The following IVD variants were observed in gnomAD, a reference collection of about 807,000 sequenced individuals.
IVD encodes the protein isovaleryl-CoA dehydrogenase, also known as isovaleryl-CoA dehydrogenase, mitochondrial.
IVD carries 31 observed loss-of-function variants against 51.3 expected under a neutral mutation model. The ratio of observed to expected loss-of-function variants is 0.60; its 90% CI spans 0.45 to 0.81. IVD has a LOEUF of 0.81. Ranked by LOEUF, IVD falls within the 40% of genes least tolerant of loss-of-function variation. IVD has a pLI of 0.00. For missense variants in IVD, 475 were observed against 552.0 expected (o/e 0.86, Z 1.40); for synonymous variants, 205 against 219.4 (o/e 0.93, Z 0.58).
Position 40,420,217 on chromosome 15 carries a change from C to T in IVD, c.*1954C>T. 1 of 986,540 alleles carries T rather than the reference C, an allele frequency of 1.0e-6. No individual in the cohort carries two copies. Among genetic ancestry groups the T allele is most frequent in the Non-Finnish European group, 1.2e-6 (1 of 830,190 alleles). 61.1% of individuals were successfully genotyped at this position (986,540 alleles called of 1,614,324 possible). On this transcript the variant is annotated 3_prime_UTR_variant, in exon 12 of 12. Transcript: ENST00000487418. Reference sequence around the variant, plus strand: ...GAAGACTGGCTCCTCCTGTACAGCACCTCTGAGCCCTTGTGCACCGCCCTG... The same window carrying T: ...GAAGACTGGCTCCTCCTGTACAGCATCTCTGAGCCCTTGTGCACCGCCCTG...
intron 4 of IVD, among the ~76,000 whole-genome samples, chr15:40,411,044 T>C (rs73383142): frequency 6.6e-6 from 1 of 151,928 alleles, no homozygotes; most frequent in Non-Finnish European, 1.5e-5. Flanking sequence ...AATGGAAGAG[T>C]AGGACTAGCT....
chr15:40,415,848 C>T (rs191632500), intron 9 of IVD, among the ~76,000 whole-genome samples: 1 of 152,218 alleles, frequency 6.6e-6, no homozygotes, highest in Non-Finnish European at 1.5e-5. Flanking sequence ...GGAGCCATGC[C>T]TTTCGGAGGC....
At chr15:40,426,591 A>T (rs940058556), downstream of IVD, among the ~76,000 whole-genome samples, 1 of 152,154 alleles carries the variant, frequency 6.6e-6, no homozygotes, top group Non-Finnish European at 1.5e-5. Flanking sequence ...TCTGATACAG[A>T]TGTGCAAGTG....
downstream of IVD, among the ~76,000 whole-genome samples, chr15:40,425,964 C>CTT (rs200928278): frequency 1.0e-3 from 120 of 117,506 alleles, 2 homozygotes; most frequent in African/African-American, 2.4e-3. Flanking sequence ...CCCAGTCCGG[C>CTT]TATTTTTTTT....
chr15:40,424,834 C>T (rs991384852), downstream of IVD, among the ~76,000 whole-genome samples: 2 of 152,242 alleles, frequency 1.3e-5, no homozygotes, highest in African/African-American at 4.8e-5. Context: ...CTCCCAATAG[C>T]ACCCGGGGCT....
At chr15:40,424,753 C>G (rs1386720484), downstream of IVD, among the ~76,000 whole-genome samples, 1 of 152,248 alleles carries the variant, frequency 6.6e-6, no homozygotes, top group Non-Finnish European at 1.5e-5. Context: ...TGCTGGTATA[C>G]TGTTATTTGT....
chr15:40,429,756 T>C (rs555793055), intron 7 of IVD, among the ~76,000 whole-genome samples: 1 of 152,318 alleles, frequency 6.6e-6, no homozygotes, highest in South Asian at 2.1e-4. Flanking sequence ...AGGCTTCGCC[T>C]TGAACTAAAT....
At chr15:40,418,022 T>G in intron 11 of IVD, 108 bp from the exon 12 acceptor site, 1 of 1,503,638 alleles carries the variant, frequency 6.7e-7, no homozygotes. Flanking sequence ...CTGCTTTTCT[T>G]TAATCACCCT....
At chr15:40,423,892 T>C (rs1223616019), downstream of IVD, among the ~76,000 whole-genome samples, 4 of 152,178 alleles carry the variant, frequency 2.6e-5, no homozygotes, top group Non-Finnish European at 5.9e-5. Context: ...CAGAGCCCCA[T>C]TCACATTCCT....
At chr15:40,414,792 C>A (rs891984917) in intron 7 of IVD, 97 bp from the exon 8 acceptor site, 78 of 1,554,840 alleles carry the variant, frequency 5.0e-5, no homozygotes, top group Non-Finnish European at 6.4e-5. Context: ...TATTTTAGTG[C>A]CTTACTTGAG....
chr15:40,406,864 C>A (rs905239973), intron 1 of IVD, among the ~76,000 whole-genome samples: 1 of 138,778 alleles, frequency 7.2e-6, no homozygotes, highest in South Asian at 2.3e-4. Context: ...TTTCTTTTTT[C>A]TTTTTTTTTT....
At position 40,421,165 on chromosome 15, in the gene IVD, C is replaced by T; in HGVS notation, c.*2902C>T. On this transcript the variant is annotated 3_prime_UTR_variant, in exon 12 of 12. Transcript: ENST00000487418. ...CTGGCTTAATGTGTGGCTGGAGAGA[C>T]CAGCCTGGAGACAATGTGGCAAAAT... 1.0e-6 allele frequency: 1 copy of T among 985,502 alleles called. No individual in the cohort carries two copies. The highest frequency in any genetic ancestry group is 1.2e-6 in the Non-Finnish European group (1 of 829,962). The allele number at this position is 985,502 out of a possible 1,614,324, so 61.0% of individuals were successfully genotyped here.
chr15:40,426,313 G>A (rs1447545568), downstream of IVD, among the ~76,000 whole-genome samples: 13 of 152,110 alleles, frequency 8.5e-5, 1 homozygote, highest in African/African-American at 2.9e-4. Context: ...CGAGGCGGGT[G>A]GATCACCTGA....
In IVD at chr15:40,419,800, C is replaced by G. The variant is rs1281185434; in HGVS notation, c.*1537C>G. The G allele has an allele frequency of 6.6e-6, 1 of 151,812 alleles. No individual in the cohort carries two copies. The allele number at this position is 151,812 out of a possible 1,614,324, so 9.4% of individuals were successfully genotyped here. A position where few individuals can be genotyped will look rare whatever the true frequency, so the allele number is the denominator to read the frequency against. ...CTCCAGCTTGGACGACAGAGCGAGA[C>G]TCTGTCTCAAAAAATAATAGGCCAG... On this transcript the variant is annotated 3_prime_UTR_variant, in exon 12 of 12. Transcript: ENST00000487418.
chr15:40,431,694 CAAA>C (rs879745097), intron 7 of IVD, among the ~76,000 whole-genome samples: 1 of 128,034 alleles, frequency 7.8e-6, no homozygotes. Context: ...GACTCCATCT[CAAA>C]AAAAAAAAAA....
At chr15:40,413,953 T>G (rs1891371300) in intron 7 of IVD, among the ~76,000 whole-genome samples, 1 of 152,112 alleles carries the variant, frequency 6.6e-6, no homozygotes, top group Admixed American at 6.5e-5. Context: ...CTCCGCCCCC[T>G]GGGTTCAAGT....
At chr15:40,414,269 A>AG (rs1448505572) in intron 7 of IVD, 2 of 158,182 alleles carry the variant, frequency 1.3e-5, no homozygotes, top group Non-Finnish European at 2.8e-5. Flanking sequence ...GCATCCAGGG[A>AG]GGGGGAGCTG....
intron 8 of IVD, among the ~76,000 whole-genome samples, chr15:40,434,639 T>C (rs1404240635): frequency 6.6e-6 from 1 of 152,184 alleles, no homozygotes; most frequent in African/African-American, 2.4e-5. Context: ...CAAGGTGGAA[T>C]TGAGCTTCAG....
intron 9 of IVD, among the ~76,000 whole-genome samples, chr15:40,415,690 G>A (rs944937246): frequency 1.8e-4 from 28 of 152,354 alleles, no homozygotes; most frequent in African/African-American, 6.7e-4. Context: ...ATTCCTGTGT[G>A]AGGTGGATGA....
Sources: allele counts gnomAD v4.1 joint callset (sites outside exome capture counted in the v4.1 genomes callset), GRCh38; gene constraint gnomAD v4.1.1; transcripts MANE v1.5; gene names NCBI Gene and HGNC (gene_info 2026-07-23, HGNC 2026-07-21).